Variants in TECR observed in about 807,000 individuals in gnomAD.
The protein encoded by TECR is trans-2,3-enoyl-CoA reductase, also known as very-long-chain enoyl-CoA reductase.
In TECR, 19 loss-of-function variants were observed where a neutral mutation model predicts 50.6. The observed-to-expected ratio is 0.38, with a 90% confidence interval of 0.26 to 0.55. The LOEUF is 0.55. TECR is among the 20% of genes least tolerant of loss of function. The probability of loss-of-function intolerance (pLI) is 0.79; values close to 1 mark genes in which losing one functional copy is unlikely to be tolerated. For synonymous variants in TECR, 168 were observed against 163.5 expected, an observed-to-expected ratio of 1.03 and a Z score of -0.21; for missense variants, 313 against 408.3, an observed-to-expected ratio of 0.77 and a Z score of 2.01.
At chr19:14,528,333 G>T (rs999385618), upstream of TECR, among the ~76,000 whole-genome samples, 1 of 150,464 alleles carries the variant, frequency 6.6e-6, no homozygotes, top group Non-Finnish European at 1.5e-5. Context: ...TCCGCCTCCC[G>T]GGTTCAAGCA....
intron 11 of TECR, 101 bp from the exon 12 acceptor site, chr19:14,565,517 C>G: frequency 6.6e-7 from 1 of 1,524,210 alleles, no homozygotes; most frequent in Non-Finnish European, 8.8e-7. Flanking sequence ...CCATCCCTGA[C>G]TCAGAAAGCA....
chr19:14,562,402 T>G, intron 1 of TECR, 123 bp from the exon 2 acceptor site: 1 of 1,037,848 alleles, frequency 9.6e-7, no homozygotes, highest in South Asian at 1.3e-5. Flanking sequence ...CGGCATGGAC[T>G]TGAACTTGAG....
chr19:14,563,917 C>G lies in TECR; in HGVS notation c.267+14C>G, dbSNP rs778131219. 6.2e-7 allele frequency: 1 copy of G among 1,614,010 alleles called. No homozygotes were observed. Among genetic ancestry groups the G allele is most frequent in the South Asian group, 1.1e-5 (1 of 91,086 alleles). Reference sequence around the variant, plus strand: ...AGCTGGGTGACGGTGAGTCCTGACCCTACCCACGGCCTCTTTTCCCGTCAG... The same window carrying G: ...AGCTGGGTGACGGTGAGTCCTGACCGTACCCACGGCCTCTTTTCCCGTCAG... On this transcript the variant is annotated intron_variant, in intron 5 of 12. Transcript: ENST00000215567. This position sits in a 1 kb window ranked among gnomAD's most constrained non-coding sequence, Gnocchi z 5.3.
Position 14,562,573 on chromosome 19 carries a change from A to G in TECR, c.64A>G (p.Lys22Glu). The G allele has an allele frequency of 1.9e-6, 3 of 1,614,180 alleles. No individual in the cohort carries two copies. Among genetic ancestry groups the G allele is most frequent in the Non-Finnish European group, 1.7e-6 (2 of 1,180,010 alleles). The change falls in exon 2 of 13, where the codon AAG (lysine) becomes GAG (glutamate). Residue 22 changes from lysine to glutamate, a missense_variant and splice_region_variant. By Grantham distance (56) the Lys-to-Glu change is moderately conservative. Coordinates refer to ENST00000215567, the MANE Select transcript of TECR (RefSeq NM_138501.6). ...AAGGGAGAAGCTGTGTTTCTTGGACAAGGTAGGACTGGGGCGTGGGCTGCA... is the reference window on the plus strand; with the variant it reads ...AAGGGAGAAGCTGTGTTTCTTGGACGAGGTAGGACTGGGGCGTGGGCTGCA... The part of the protein sequence containing the change: ...KTREKLCFLD[K>E]VEPHATIAEI...
rs1218628501 is a variant in TECR at position 14,563,507 on chromosome 19, A to G, written c.119-151A>G. ...TCTGGCTTGTGTCCTGAAACCGCACAAGCCTGAGGGTTTGCCCCCAGGTGG... is the reference window on the plus strand; with the variant it reads ...TCTGGCTTGTGTCCTGAAACCGCACGAGCCTGAGGGTTTGCCCCCAGGTGG... On this transcript the variant is annotated intron_variant, in intron 3 of 12. Coordinates refer to ENST00000215567, the MANE Select transcript of TECR (RefSeq NM_138501.6). This position sits in a 1 kb window ranked among gnomAD's most constrained non-coding sequence, Gnocchi z 5.3. 2.9e-6 allele frequency: 3 copies of G among 1,037,632 alleles called. No individual in the cohort carries two copies. Among genetic ancestry groups the G allele is most frequent in the African/African-American group, 1.6e-5 (1 of 62,892 alleles). The allele number at this position is 1,037,632 out of a possible 1,614,324, so 64.3% of individuals were successfully genotyped here. A position where few individuals can be genotyped will look rare whatever the true frequency, so the allele number is the denominator to read the frequency against.
intron 1 of TECR, among the ~76,000 whole-genome samples, chr19:14,542,378 T>A (rs1038297509): frequency 4.4e-5 from 5 of 112,396 alleles, no homozygotes; most frequent in Admixed American, 1.9e-4. Context: ...TTTTTTTTTC[T>A]GAGATGGAGT....
At chr19:14,533,111 T>TA (rs920523727) in intron 1 of TECR, among the ~76,000 whole-genome samples, 6 of 147,286 alleles carry the variant, frequency 4.1e-5, no homozygotes, top group African/African-American at 1.5e-4. Flanking sequence ...GACTCTGTTT[T>TA]AAAAAAAATA....
In TECR at chr19:14,537,547, A is replaced by T. The variant is rs116137689; in HGVS notation, c.15+7836A>T. Among the ~76,000 whole-genome samples, 330 of 152,198 alleles carry T rather than the reference A, an allele frequency of 2.2e-3. 1 individual carries two copies. Among genetic ancestry groups the T allele is most frequent in the African/African-American group, 7.9e-3 (329 of 41,512 alleles). On this transcript the variant is annotated intron_variant, in intron 1 of 12. Transcript: ENST00000215567. ...GTTTGGTCGGGAATCCTGCACTTTC[A>T]TTGACAAGCCTGGCTGCGTGAGAAA...
At chr19:14,528,557 G>C (rs2072490836), upstream of TECR, among the ~76,000 whole-genome samples, 2 of 152,040 alleles carry the variant, frequency 1.3e-5, no homozygotes, top group African/African-American at 4.8e-5. Flanking sequence ...CCCATTTCAA[G>C]GGCTCAGTGG....
chr19:14,529,947 T>C, intron 1 of TECR: 1 of 610,900 alleles, frequency 1.6e-6, no homozygotes, highest in Admixed American at 2.9e-5. Flanking sequence ...TTCTTGGGGG[T>C]CTCTGCAGGG....
intron 1 of TECR, among the ~76,000 whole-genome samples, chr19:14,560,907 C>T (rs1818797100): frequency 6.6e-6 from 1 of 152,160 alleles, no homozygotes; most frequent in South Asian, 2.1e-4. Context: ...ACCTAGTGTA[C>T]CCCATGCATT....
intron 1 of TECR, among the ~76,000 whole-genome samples, chr19:14,534,412 C>G (rs889043582): frequency 2.1e-5 from 3 of 144,768 alleles, no homozygotes; most frequent in South Asian, 4.4e-4. Context: ...GAGTGAGCCA[C>G]CATGCCTGGC....
chr19:14,561,492 G>GGCACA (rs2073900372), intron 1 of TECR, among the ~76,000 whole-genome samples: 1 of 152,176 alleles, frequency 6.6e-6, no homozygotes, highest in South Asian at 2.1e-4. Context: ...AGGGAGGGCT[G>GGCACA]GGCCAGACTC....
chr19:14,542,642 A>G (rs1224327138), intron 1 of TECR, among the ~76,000 whole-genome samples: 1 of 152,124 alleles, frequency 6.6e-6, no homozygotes, highest in African/African-American at 2.4e-5. Flanking sequence ...GATTAGAGGC[A>G]TTGAGGCACT....
chr19:14,557,855 G>A (rs1377880582), intron 1 of TECR, among the ~76,000 whole-genome samples: 3 of 150,972 alleles, frequency 2.0e-5, no homozygotes, highest in African/African-American at 4.9e-5. Flanking sequence ...TCCCGGGTTC[G>A]CGCCATTCTC....
upstream of TECR, among the ~76,000 whole-genome samples, chr19:14,528,925 G>T (rs2072504625): frequency 6.6e-6 from 1 of 152,174 alleles, no homozygotes; most frequent in African/African-American, 2.4e-5. Flanking sequence ...CTGGGGGACA[G>T]AACGAGATTG....
At chr19:14,529,892 G>A (rs1240172300) in intron 1 of TECR, 181 bp downstream of exon 1, 2 of 845,636 alleles carry the variant, frequency 2.4e-6, no homozygotes, top group East Asian at 5.3e-5. Flanking sequence ...ATGTGCGCAG[G>A]AAGTATTTAT....
chr19:14,555,167 C>G (rs2073674571), intron 1 of TECR, among the ~76,000 whole-genome samples: 1 of 151,722 alleles, frequency 6.6e-6, no homozygotes. Flanking sequence ...CAGCCTGGAA[C>G]TCCTAGGCTT....
At chr19:14,535,601 T>TAA (rs2146559738) in intron 1 of TECR, among the ~76,000 whole-genome samples, 1 of 87,546 alleles carries the variant, frequency 1.1e-5, no homozygotes, top group Admixed American at 1.5e-4. Context: ...TATGTATATA[T>TAA]AAATTAGCCA....
Sources: allele counts gnomAD v4.1 joint callset (sites outside exome capture counted in the v4.1 genomes callset), GRCh38; gene constraint gnomAD v4.1.1; non-coding constraint Gnocchi (gnomAD v3.1); transcripts MANE v1.5; gene names NCBI Gene and HGNC (gene_info 2026-07-23, HGNC 2026-07-21).